EIF4E3: variants seen among roughly 807,000 people sequenced by gnomAD.
The protein encoded by EIF4E3 is eukaryotic translation initiation factor 4E family member 3.
Under a neutral mutation model 31.7 loss-of-function variants are expected in EIF4E3, and 26 were observed. That is an observed-to-expected ratio of 0.82 (90% CI 0.60 to 1.14). The LOEUF (loss-of-function observed/expected upper bound fraction) is 1.14. Among genes scored for constraint, EIF4E3 ranks in the 50% most tolerant of loss-of-function variants. EIF4E3 has a pLI of 0.00. For synonymous variants in EIF4E3, 128 were observed against 107.7 expected (o/e 1.19, Z -1.17); for missense variants, 304 against 270.9 (o/e 1.12, Z -0.86).
downstream of EIF4E3, among the ~76,000 whole-genome samples, chr3:71,673,435 G>A (rs2048856402): frequency 6.6e-6 from 1 of 151,986 alleles, no homozygotes. Context: ...ATTATAAACA[G>A]CCTCTGTGGT....
the EIF4E3 span, among the ~76,000 whole-genome samples, chr3:71,662,704 A>G: frequency 6.6e-6 from 1 of 152,170 alleles, no homozygotes; most frequent in African/African-American, 2.4e-5. Context: ...CCAAACAAAC[A>G]ATATATCCAC....
In EIF4E3 at chr3:71,743,574, T is replaced by C. The variant is rs183601610; in HGVS notation, c.-291+9889A>G. On this transcript the variant is annotated intron_variant, in intron 1 of 7. Coordinates refer to the EIF4E3 transcript ENST00000295612. ...CAAACTGATCTAGACACAACCCCAA[T>C]TAATATCCCAGTAGGCTTTATCATA... Among the ~76,000 whole-genome samples, 315 of 152,216 alleles carry C rather than the reference T, an allele frequency of 2.1e-3. 1 individual carries two copies. The highest frequency in any genetic ancestry group is 4.0e-3 in the Non-Finnish European group (269 of 67,974).
intron 2 of EIF4E3, among the ~76,000 whole-genome samples, 188 bp downstream of exon 2, chr3:71,710,224 C>T (rs1256967869): frequency 6.6e-6 from 1 of 152,292 alleles, no homozygotes; most frequent in South Asian, 2.1e-4. Flanking sequence ...AGCAGGCCAC[C>T]TGACTGTGTG....
the EIF4E3 span, among the ~76,000 whole-genome samples, chr3:71,669,291 T>C: frequency 6.6e-6 from 1 of 151,936 alleles, no homozygotes; most frequent in Non-Finnish European, 1.5e-5. Flanking sequence ...TTAGGAGAAA[T>C]ACCTAAGGTA....
the EIF4E3 span, among the ~76,000 whole-genome samples, chr3:71,666,638 CAA>C: frequency 2.6e-5 from 4 of 152,014 alleles, no homozygotes; most frequent in African/African-American, 9.7e-5. Flanking sequence ...AGAGACACAA[CAA>C]AAAAAGAGAA....
intron 1 of EIF4E3, among the ~76,000 whole-genome samples, chr3:71,718,155 A>G (rs34295566): frequency 0.1 from 15,917 of 152,286 alleles, 943 homozygotes; most frequent in African/African-American, 0.14. Flanking sequence ...CATCGGGCTC[A>G]GCTGTCAGAG....
intron 2 of EIF4E3, among the ~76,000 whole-genome samples, chr3:71,707,789 G>C (rs2108070222): frequency 6.6e-6 from 1 of 151,954 alleles, no homozygotes; most frequent in South Asian, 2.1e-4. Context: ...CCCCCACTGA[G>C]AATGTGCAGC....
chr3:71,745,690 C>T (rs183935359), intron 1 of EIF4E3, among the ~76,000 whole-genome samples: 3 of 152,210 alleles, frequency 2.0e-5, no homozygotes, highest in East Asian at 1.9e-4. Flanking sequence ...TTGTAATCTT[C>T]GGCACTCCCA....
intron 2 of EIF4E3, among the ~76,000 whole-genome samples, chr3:71,709,965 C>G (rs1270321683): frequency 6.6e-6 from 1 of 152,090 alleles, no homozygotes; most frequent in Non-Finnish European, 1.5e-5. Flanking sequence ...TCCACCTTCA[C>G]GCTCCACACT....
At chr3:71,751,199 T>A (rs895088633) in intron 1 of EIF4E3, among the ~76,000 whole-genome samples, 12 of 152,080 alleles carry the variant, frequency 7.9e-5, no homozygotes, top group African/African-American at 2.9e-4. Flanking sequence ...TGCCACTGAC[T>A]CCAGCCTAGG....
intron 1 of EIF4E3, among the ~76,000 whole-genome samples, chr3:71,719,114 C>T (rs930198960): frequency 6.6e-6 from 1 of 152,170 alleles, no homozygotes. Flanking sequence ...GTACTGCACC[C>T]TTTAGGGTGG....
chr3:71,733,600 A>ATATTTAACC (rs957259322), intron 1 of EIF4E3, among the ~76,000 whole-genome samples: 7 of 152,166 alleles, frequency 4.6e-5, no homozygotes, highest in Non-Finnish European at 1.0e-4. Flanking sequence ...TCCCTGTACC[A>ATATTTAACC]TATTTAACCC....
At chr3:71,667,182 G>C in the EIF4E3 span, among the ~76,000 whole-genome samples, 1 of 152,082 alleles carries the variant, frequency 6.6e-6, no homozygotes, top group South Asian at 2.1e-4. Flanking sequence ...ATGTAGAAAA[G>C]GACTTCGATA....
At chr3:71,735,641 A>C (rs1315293322) in intron 1 of EIF4E3, among the ~76,000 whole-genome samples, 2 of 152,210 alleles carry the variant, frequency 1.3e-5, no homozygotes, top group African/African-American at 4.8e-5. Context: ...CAATTGTTGA[A>C]AAACACATGG....
intron 1 of EIF4E3, among the ~76,000 whole-genome samples, chr3:71,731,981 T>G (rs2108136805): frequency 6.6e-6 from 1 of 152,346 alleles, no homozygotes; most frequent in East Asian, 1.9e-4. Context: ...CAGCTATACA[T>G]GGAAATATAT....
downstream of EIF4E3, among the ~76,000 whole-genome samples, chr3:71,670,448 G>A (rs553051700): frequency 1.2e-3 from 182 of 151,964 alleles, no homozygotes; most frequent in Non-Finnish European, 2.0e-3. Context: ...CACGGCCCTC[G>A]TCTCAGCCCC....
chr3:71,754,343 C>T (rs904341322), upstream of EIF4E3: 13 of 1,296,442 alleles, frequency 1.0e-5, no homozygotes, highest in East Asian at 3.6e-5. This position sits in a 1 kb window ranked among gnomAD's most constrained non-coding sequence, Gnocchi z 5.8. Context: ...GCAAGCTGCT[C>T]GCCTTCCTGG....
intron 1 of EIF4E3, among the ~76,000 whole-genome samples, chr3:71,753,093 G>A (rs1426176885): frequency 6.6e-6 from 1 of 152,188 alleles, no homozygotes; most frequent in African/African-American, 2.4e-5. Flanking sequence ...CTGGAAATCA[G>A]ACCAAGCGAA....
At chr3:71,739,694 C>T (rs1039481935) in intron 1 of EIF4E3, among the ~76,000 whole-genome samples, 2 of 149,996 alleles carry the variant, frequency 1.3e-5, no homozygotes, top group Admixed American at 6.6e-5. Flanking sequence ...GAGACTCTGT[C>T]TGAAAAAAAA....
Sources: gnomAD v4.1 joint callset for allele counts (sites outside exome capture counted in the v4.1 genomes callset) on GRCh38, gnomAD v4.1.1 for gene constraint, Gnocchi (gnomAD v3.1) non-coding constraint, MANE v1.5 for transcripts, NCBI Gene and HGNC (gene_info 2026-07-23, HGNC 2026-07-21) for gene names.